Variants in CEP170 observed in about 807,000 individuals in gnomAD.
The protein encoded by CEP170 is centrosomal protein 170, also known as centrosomal protein of 170 kDa.
In CEP170, 21 loss-of-function variants were observed where a neutral mutation model predicts 151.9. That is an observed-to-expected ratio of 0.14 (90% confidence interval 0.10 to 0.20). CEP170 has a LOEUF of 0.20. CEP170 is among the 10% of genes least tolerant of loss of function. The pLI, the probability that CEP170 is intolerant of heterozygous loss-of-function variation, is 1.00. For synonymous variants in CEP170, 356 were observed against 648.8 expected (o/e 0.55, Z 6.86); for missense variants, 964 against 1,892.9 (o/e 0.51, Z 9.11).
chr1:243,229,894 G>A (rs1338415379), intron 1 of CEP170, among the ~76,000 whole-genome samples: 1 of 152,194 alleles, frequency 6.6e-6, no homozygotes, highest in Non-Finnish European at 1.5e-5. Flanking sequence ...GGAAACAGAA[G>A]AAACTTCAGT....
intron 1 of CEP170, among the ~76,000 whole-genome samples, chr1:243,233,530 A>G (rs2063954811): frequency 6.6e-6 from 1 of 151,802 alleles, no homozygotes; most frequent in Admixed American, 6.6e-5. Flanking sequence ...TCAGGAGATC[A>G]AGACCATCCT....
chr1:243,239,971 A>C (rs1323470963), intron 1 of CEP170, among the ~76,000 whole-genome samples: 3 of 152,206 alleles, frequency 2.0e-5, no homozygotes, highest in Non-Finnish European at 4.4e-5. Flanking sequence ...TCAATAGGCC[A>C]ATAGCCATAC....
intron 1 of CEP170, among the ~76,000 whole-genome samples, chr1:243,241,792 TAAA>T (rs34933017): frequency 9.3e-5 from 13 of 140,006 alleles, no homozygotes; most frequent in Non-Finnish European, 1.2e-4. Context: ...TCCCTCTCAT[TAAA>T]AAAAAAAAAA....
chr1:243,244,855 A>T (rs2065216383), intron 1 of CEP170, among the ~76,000 whole-genome samples: 1 of 152,166 alleles, frequency 6.6e-6, no homozygotes, highest in Non-Finnish European at 1.5e-5. Context: ...CAATTAACAC[A>T]CTTGTATGTA....
intron 12 of CEP170, among the ~76,000 whole-genome samples, chr1:243,168,027 G>T (rs978798356): frequency 1.3e-5 from 2 of 151,806 alleles, no homozygotes; most frequent in African/African-American, 4.8e-5. Context: ...TTATAACAAG[G>T]GTAGAACTTT....
intron 19 of CEP170, 112 bp from the exon 20 acceptor site, chr1:243,126,850 G>A: frequency 1.6e-6 from 1 of 627,668 alleles, no homozygotes; most frequent in Non-Finnish European, 2.8e-6. Context: ...CTTAAATGTG[G>A]CTAATCTTCC....
chr1:243,169,865 C>G (rs560259137), intron 11 of CEP170, 111 bp from the exon 12 acceptor site: 62 of 1,291,336 alleles, frequency 4.8e-5, no homozygotes, highest in Non-Finnish European at 6.1e-5. Flanking sequence ...CATAATTAAA[C>G]CTCACCTTGC....
At chr1:243,147,352 T>C (rs1454350625) in intron 14 of CEP170, among the ~76,000 whole-genome samples, 1 of 152,270 alleles carries the variant, frequency 6.6e-6, no homozygotes, top group Non-Finnish European at 1.5e-5. Context: ...GGATATCTTC[T>C]TTCTTTTTTA....
At chr1:243,195,954 CAAGACAT>C (rs2060621538) in intron 7 of CEP170, among the ~76,000 whole-genome samples, 1 of 151,882 alleles carries the variant, frequency 6.6e-6, no homozygotes, top group South Asian at 2.1e-4. Flanking sequence ...GAATTTGACA[CAAGACAT>C]AAATCACTGA....
chr1:243,156,527 C>T (rs2148466799), intron 13 of CEP170, 72 bp from the exon 14 acceptor site: 1 of 1,397,556 alleles, frequency 7.2e-7, no homozygotes, highest in Middle Eastern at 2.6e-4. Context: ...AAAGTCATGA[C>T]TTCAAAACAC....
At chr1:243,173,735 CAAA>C (rs199827738) in intron 10 of CEP170, among the ~76,000 whole-genome samples, 11 of 72,694 alleles carry the variant, frequency 1.5e-4, no homozygotes, top group Admixed American at 1.4e-4. Context: ...GACCCTGTTT[CAAA>C]AAAAAAAAAA....
In CEP170 at chr1:243,216,241, G is replaced by A. The variant is rs963163978; in HGVS notation, c.196-4277C>T. ...TTATACTTTAAGTTTTAGGGTACAT[G>A]TGCACAATGTGCAGGTTAGTTACAT... is the stretch of plus-strand genomic sequence containing the variant. On this transcript the variant is annotated intron_variant, in intron 3 of 19. Transcript: ENST00000366542. Among the ~76,000 whole-genome samples the A allele has an allele frequency of 2.0e-5, 3 of 152,008 alleles. No homozygotes were observed. In the East Asian group the frequency reaches 5.8e-4, roughly 29 times the overall value.
chr1:243,145,241 C>T (rs1294803879), intron 14 of CEP170, among the ~76,000 whole-genome samples: 5 of 152,224 alleles, frequency 3.3e-5, no homozygotes, highest in Non-Finnish European at 7.3e-5. Flanking sequence ...AAACTGCCAA[C>T]AAAACATTGT....
intron 17 of CEP170, among the ~76,000 whole-genome samples, chr1:243,129,839 T>C (rs2054175842): frequency 6.6e-6 from 1 of 152,026 alleles, no homozygotes; most frequent in South Asian, 2.1e-4. Context: ...CCGTAACTAT[T>C]ACAGTATTTT....
chr1:243,222,095 A>T (rs979576383), intron 2 of CEP170, among the ~76,000 whole-genome samples: 6 of 152,322 alleles, frequency 3.9e-5, no homozygotes, highest in Admixed American at 6.5e-5. Flanking sequence ...TATTAACTTA[A>T]TTTTTTTAAA....
chr1:243,177,102 G>T (rs538504867), intron 10 of CEP170, among the ~76,000 whole-genome samples: 139 of 152,168 alleles, frequency 9.1e-4, no homozygotes, highest in Middle Eastern at 3.2e-3. Flanking sequence ...CTTTCATGCA[G>T]ATAAATATCC....
chr1:243,147,096 T>A (rs553673604), intron 14 of CEP170, among the ~76,000 whole-genome samples: 1 of 152,304 alleles, frequency 6.6e-6, no homozygotes, highest in Admixed American at 6.5e-5. Flanking sequence ...TAAAAGACAG[T>A]ATTCTTATTA....
chr1:243,247,359 T>G (rs1222271038), intron 1 of CEP170, among the ~76,000 whole-genome samples: 1 of 152,152 alleles, frequency 6.6e-6, no homozygotes, highest in Non-Finnish European at 1.5e-5. Flanking sequence ...GGTTGTTCTT[T>G]TCTTTCTTTT....
At chr1:243,186,513 C>A (rs1204945158) in intron 8 of CEP170, 91 bp from the exon 9 acceptor site, 5 of 1,359,424 alleles carry the variant, frequency 3.7e-6, no homozygotes, top group Non-Finnish European at 4.9e-6. Flanking sequence ...TGTTTTGCTC[C>A]CCTCCTCCTT....
Sources: allele counts gnomAD v4.1 joint callset (sites outside exome capture counted in the v4.1 genomes callset), GRCh38; gene constraint gnomAD v4.1.1; transcripts MANE v1.5; gene names NCBI Gene and HGNC (gene_info 2026-07-23, HGNC 2026-07-21).